Variants in DHRS3 observed in about 807,000 individuals in gnomAD.
DHRS3 encodes the protein short-chain dehydrogenase/reductase 3.
A neutral mutation model predicts 27.2 loss-of-function variants in DHRS3; 14 were observed. That is an observed-to-expected ratio of 0.52 (90% CI 0.34 to 0.81). The LOEUF is 0.81. Ranked by LOEUF, DHRS3 falls within the 30% of genes least tolerant of loss-of-function variation. The probability of loss-of-function intolerance (pLI) is 0.01; values close to 1 mark genes in which losing one functional copy is unlikely to be tolerated. For missense variants in DHRS3, 322 were observed against 406.2 expected, an observed-to-expected ratio of 0.79 and a Z score of 1.78; for synonymous variants, 165 against 175.9, an observed-to-expected ratio of 0.94 and a Z score of 0.49.
intron 5 of DHRS3, 76 bp from the exon 6 acceptor site, chr1:12,568,500 G>A (rs1160757286): frequency 7.2e-7 from 1 of 1,395,790 alleles, no homozygotes; most frequent in Non-Finnish European, 1.0e-6. Context: ...TGGTGGCCAT[G>A]TGAGACGGGG....
At chr1:12,601,894 C>T (rs1646838309) in intron 1 of DHRS3, among the ~76,000 whole-genome samples, 1 of 152,204 alleles carries the variant, frequency 6.6e-6, no homozygotes, top group Admixed American at 6.5e-5. Flanking sequence ...TTAGAACAGT[C>T]CCTGGCACAC....
intron 1 of DHRS3, among the ~76,000 whole-genome samples, chr1:12,588,802 G>C (rs553947357): frequency 6.6e-6 from 1 of 152,248 alleles, no homozygotes; most frequent in Non-Finnish European, 1.5e-5. Context: ...CATGAGCTGG[G>C]TGGTCTCTGG....
intron 1 of DHRS3, among the ~76,000 whole-genome samples, chr1:12,605,188 A>G (rs947903608): frequency 6.6e-6 from 1 of 152,130 alleles, no homozygotes; most frequent in African/African-American, 2.4e-5. Context: ...ACATTGTCAC[A>G]GTCATGTACA....
chr1:12,585,283 GTGTC>G (rs1249840169), intron 1 of DHRS3, among the ~76,000 whole-genome samples: 1 of 150,512 alleles, frequency 6.6e-6, no homozygotes. Flanking sequence ...GTGTCTGTGT[GTGTC>G]TCTCTATGTG....
In DHRS3 at chr1:12,578,384, A is replaced by G. The variant is rs538597230; in HGVS notation, c.698+334T>C. ...GAGTGCAGTCGCACAATCACAGCTC[A>G]CTTGCAGCCTCAACTTCCTGGGCTC... On this transcript the variant is annotated intron_variant, in intron 4 of 5. Transcript: ENST00000616661. The surrounding 1 kb of genome is among the most constrained non-coding windows in gnomAD (Gnocchi z 4.5). Among the ~76,000 whole-genome samples the G allele has an allele frequency of 1.1e-4, 16 of 152,314 alleles. No individual in the cohort carries two copies. The South Asian group carries it at 3.3e-3, about 32-fold the overall frequency.
In DHRS3 at chr1:12,617,482, T is replaced by A; in HGVS notation, c.-134A>T. 2.2e-6 allele frequency: 1 copy of A among 462,640 alleles called. No individual in the cohort carries two copies. The highest frequency in any genetic ancestry group is 3.3e-6 in the Non-Finnish European group (1 of 306,118). 28.7% of individuals were successfully genotyped at this position (462,640 alleles called of 1,614,324 possible). A position where few individuals can be genotyped will look rare whatever the true frequency, so the allele number is the denominator to read the frequency against. On this transcript the variant is annotated 5_prime_UTR_variant, in exon 1 of 6. Coordinates refer to ENST00000616661, the MANE Select transcript of DHRS3 (RefSeq NM_004753.7). Reference sequence around the variant, plus strand: ...GCGTCCCACCTGGCCACTCTTGAAATCACCTCTTCCCAAATGCAAAGCACC... The same window carrying A: ...GCGTCCCACCTGGCCACTCTTGAAAACACCTCTTCCCAAATGCAAAGCACC...
chr1:12,576,105 C>A (rs1393757525), intron 4 of DHRS3, among the ~76,000 whole-genome samples: 1 of 152,140 alleles, frequency 6.6e-6, no homozygotes. Flanking sequence ...TGGGATTTGA[C>A]CCCAGGCAGT....
At chr1:12,582,412 A>G (rs1425908139) in intron 1 of DHRS3, among the ~76,000 whole-genome samples, 2 of 152,188 alleles carry the variant, frequency 1.3e-5, no homozygotes, top group East Asian at 3.8e-4. Flanking sequence ...ACTTTATTTT[A>G]ATTAAGGTCT....
intron 4 of DHRS3, among the ~76,000 whole-genome samples, chr1:12,573,628 G>A (rs1487193608): frequency 6.6e-6 from 1 of 152,214 alleles, no homozygotes; most frequent in Non-Finnish European, 1.5e-5. Flanking sequence ...CGATGGCTGG[G>A]GCTCAGCTTG....
intron 1 of DHRS3, among the ~76,000 whole-genome samples, chr1:12,598,159 G>A (rs955375715): frequency 6.6e-6 from 1 of 152,210 alleles, no homozygotes; most frequent in Admixed American, 6.5e-5. Context: ...CAGCGTATGA[G>A]CTGTAGGGGA....
Position 12,568,993 on chromosome 1 carries a change from T to G in DHRS3, c.825-569A>C, listed in dbSNP as rs923277310. On this transcript the variant is annotated intron_variant, in intron 5 of 5. Coordinates refer to ENST00000616661, the MANE Select transcript of DHRS3 (RefSeq NM_004753.7). ...ATCCCAGCACTTTGGGAGGCCAAGG[T>G]GGGTGGATCACCTCAGGAGTTCGAG... is the stretch of plus-strand genomic sequence containing the variant. Among the ~76,000 whole-genome samples, 3 of 151,986 alleles carry G rather than the reference T, an allele frequency of 2.0e-5. No individual in the cohort carries two copies. The South Asian group carries it at 6.2e-4, about 32-fold the overall frequency.
At chr1:12,571,020 A>ATGT (rs1405494198) in intron 5 of DHRS3, among the ~76,000 whole-genome samples, 2 of 152,200 alleles carry the variant, frequency 1.3e-5, no homozygotes, top group Admixed American at 1.3e-4. Context: ...CTGGGAGTGC[A>ATGT]TGTTGCATGA....
At position 12,593,727 on chromosome 1, in the gene DHRS3, A is replaced by G. The variant is rs1050373230; in HGVS notation, c.196-13061T>C. Among the ~76,000 whole-genome samples, 9 of 152,204 alleles carry G rather than the reference A, an allele frequency of 5.9e-5. No homozygotes were observed. The highest frequency in any genetic ancestry group is 1.9e-4 in the African/African-American group (8 of 41,450). On this transcript the variant is annotated intron_variant, in intron 1 of 5. Coordinates refer to ENST00000616661, the MANE Select transcript of DHRS3 (RefSeq NM_004753.7). The surrounding 1 kb of genome is among the most constrained non-coding windows in gnomAD (Gnocchi z 4.6). Reference sequence around the variant, plus strand: ...AAACCACGCCCTGCCAAGAGCCAGTACGTGACAACTGGGCAGTCTCCACCT... The same window carrying G: ...AAACCACGCCCTGCCAAGAGCCAGTGCGTGACAACTGGGCAGTCTCCACCT...
At position 12,611,819 on chromosome 1, in the gene DHRS3, T is replaced by C. The variant is rs1267140253; in HGVS notation, c.195+5335A>G. On this transcript the variant is annotated intron_variant, in intron 1 of 5. Transcript: ENST00000616661. ...TCAAGAACCCAGTCTTGGCTGGGTG[T>C]GGAAGCTCATACCTGTAATCCCAGC... Among the ~76,000 whole-genome samples the C allele has an allele frequency of 3.3e-5, 5 of 152,026 alleles. No homozygotes were observed. The East Asian group carries it at 9.7e-4, about 29-fold the overall frequency.
At chr1:12,609,584 A>G (rs1317842067) in intron 1 of DHRS3, among the ~76,000 whole-genome samples, 1 of 152,214 alleles carries the variant, frequency 6.6e-6, no homozygotes. Flanking sequence ...GGAAGCTCTC[A>G]AAGAAGGTGG....
intron 1 of DHRS3, among the ~76,000 whole-genome samples, chr1:12,584,728 C>T (rs879404884): frequency 2.6e-5 from 4 of 152,150 alleles, no homozygotes; most frequent in Non-Finnish European, 5.9e-5. Flanking sequence ...CCTTCCTGGC[C>T]GGGCCTTGGG....
At chr1:12,616,456 C>T in intron 1 of DHRS3, 2 of 716,388 alleles carry the variant, frequency 2.8e-6, no homozygotes, top group Non-Finnish European at 3.4e-6. Context: ...CTCCTTGCAG[C>T]ACCACCTTCC....
At position 12,617,576 on chromosome 1, in the gene DHRS3, T is replaced by C; in HGVS notation, c.-228A>G. On this transcript the variant is annotated 5_prime_UTR_variant, in exon 1 of 6. Transcript: ENST00000616661. ...CCTCTGGGGGAGAAAAAGCGTCTCC[T>C]AAGGTTGGGACGGTAAAAGAGGTGG... 4.8e-6 allele frequency: 2 copies of C among 412,404 alleles called. No individual in the cohort carries two copies. The highest frequency in any genetic ancestry group is 8.3e-6 in the Non-Finnish European group (2 of 242,246). 25.5% of individuals were successfully genotyped at this position (412,404 alleles called of 1,614,324 possible).
intron 5 of DHRS3, among the ~76,000 whole-genome samples, chr1:12,568,926 C>T (rs1236378777): frequency 6.6e-6 from 1 of 151,446 alleles, no homozygotes; most frequent in Non-Finnish European, 1.5e-5. Flanking sequence ...GACCCTGTCT[C>T]AAAAATTCTT....
Sources: gnomAD v4.1 joint callset for allele counts (sites outside exome capture counted in the v4.1 genomes callset) on GRCh38, gnomAD v4.1.1 for gene constraint, Gnocchi (gnomAD v3.1) non-coding constraint, MANE v1.5 for transcripts, NCBI Gene and HGNC (gene_info 2026-07-23, HGNC 2026-07-21) for gene names.